Variants in GAREM1 observed in about 807,000 individuals in gnomAD.
GAREM1 encodes the protein GRB2-associated and regulator of MAPK protein 1.
Under a neutral mutation model 71.3 loss-of-function variants are expected in GAREM1, and 26 were observed. The observed-to-expected ratio is 0.36, with a 90% CI of 0.27 to 0.51. GAREM1 has a LOEUF of 0.51. GAREM1 is among the 20% of genes least tolerant of loss of function. The probability of loss-of-function intolerance (pLI) is 0.95; values close to 1 mark genes in which losing one functional copy is unlikely to be tolerated. For missense variants in GAREM1, 1,026 were observed against 1,103.1 expected (o/e 0.93, Z 0.99); for synonymous variants, 440 against 433.2 (o/e 1.02, Z -0.20).
At chr18:32,336,569 C>A (rs971109224) in intron 2 of GAREM1, among the ~76,000 whole-genome samples, 1 of 151,920 alleles carries the variant, frequency 6.6e-6, no homozygotes, top group African/African-American at 2.4e-5. Context: ...TGGATTGAAA[C>A]ATCTCAATTG....
chr18:32,461,288 G>T (rs2048952038), intron 1 of GAREM1, among the ~76,000 whole-genome samples: 1 of 152,184 alleles, frequency 6.6e-6, no homozygotes. Flanking sequence ...CTGAAAAATG[G>T]TAAAAATACT....
chr18:32,466,012 G>C (rs1485787832), intron 1 of GAREM1, among the ~76,000 whole-genome samples: 3 of 152,184 alleles, frequency 2.0e-5, no homozygotes, highest in African/African-American at 7.2e-5. Context: ...CAAAAATATT[G>C]ATTCGTGTTG....
chr18:32,271,613 A>G (rs1202900874), intron 4 of GAREM1, among the ~76,000 whole-genome samples: 1 of 152,172 alleles, frequency 6.6e-6, no homozygotes, highest in Non-Finnish European at 1.5e-5. Flanking sequence ...GGTGATACTG[A>G]TGCTACCTGA....
At chr18:32,449,527 A>T (rs560233047) in intron 1 of GAREM1, among the ~76,000 whole-genome samples, 12 of 151,972 alleles carry the variant, frequency 7.9e-5, no homozygotes, top group African/African-American at 2.7e-4. Context: ...ATATATATTT[A>T]AAAAAAATTA....
At chr18:32,389,716 G>A (rs1008555551) in intron 2 of GAREM1, among the ~76,000 whole-genome samples, 3 of 152,130 alleles carry the variant, frequency 2.0e-5, no homozygotes, top group African/African-American at 7.2e-5. Flanking sequence ...AAGCTAGGGA[G>A]ACATAAATGA....
intron 4 of GAREM1, among the ~76,000 whole-genome samples, chr18:32,279,396 T>C (rs2041584416): frequency 6.6e-6 from 1 of 152,172 alleles, no homozygotes; most frequent in African/African-American, 2.4e-5. Context: ...TCCTGTGAGA[T>C]CAGTGGCAGC....
chr18:32,286,892 A>T, intron 4 of GAREM1, 139 bp downstream of exon 4: 1 of 645,866 alleles, frequency 1.5e-6, no homozygotes, highest in Admixed American at 2.8e-5. Flanking sequence ...TCAAGCTAGC[A>T]TGTGTATCTC....
At chr18:32,274,069 G>C (rs2041504231) in intron 4 of GAREM1, among the ~76,000 whole-genome samples, 1 of 152,146 alleles carries the variant, frequency 6.6e-6, no homozygotes, top group African/African-American at 2.4e-5. Context: ...GCACAGCTGA[G>C]GACTCCACAG....
chr18:32,317,816 T>C (rs941011532), intron 2 of GAREM1, among the ~76,000 whole-genome samples: 7 of 152,094 alleles, frequency 4.6e-5, no homozygotes, highest in Admixed American at 2.0e-4. Flanking sequence ...TCGGAACTTG[T>C]TGGAGTCAAA....
intron 4 of GAREM1, among the ~76,000 whole-genome samples, chr18:32,271,330 T>C (rs1295223301): frequency 6.6e-6 from 1 of 152,092 alleles, no homozygotes; most frequent in Non-Finnish European, 1.5e-5. Flanking sequence ...GCAGCTGGGA[T>C]TACAGGCGCC....
chr18:32,282,425 A>G (rs115485266), intron 4 of GAREM1, among the ~76,000 whole-genome samples: 2,693 of 150,722 alleles, frequency 0.018, 89 homozygotes, highest in African/African-American at 0.061. Context: ...ACTCCGTCTA[A>G]AAAAAAAAGA....
intron 1 of GAREM1, among the ~76,000 whole-genome samples, chr18:32,410,957 C>CA (rs942790458): frequency 1.3e-5 from 2 of 152,114 alleles, no homozygotes; most frequent in Non-Finnish European, 2.9e-5. Context: ...TGAGTGCCAC[C>CA]ACGCCCAGCT....
intron 2 of GAREM1, among the ~76,000 whole-genome samples, chr18:32,353,092 A>T (rs2047767937): frequency 6.6e-6 from 1 of 152,210 alleles, no homozygotes; most frequent in Non-Finnish European, 1.5e-5. Context: ...TAAGTAAGTT[A>T]TGTGATTTTC....
At chr18:32,433,389 C>A (rs1208210448) in intron 1 of GAREM1, among the ~76,000 whole-genome samples, 15 of 151,344 alleles carry the variant, frequency 9.9e-5, no homozygotes, top group African/African-American at 3.6e-4. Flanking sequence ...AAAGGATACC[C>A]ACTCTTACCA....
At chr18:32,329,295 G>C (rs755148631) in intron 2 of GAREM1, among the ~76,000 whole-genome samples, 1 of 151,982 alleles carries the variant, frequency 6.6e-6, no homozygotes, top group Admixed American at 6.5e-5. Flanking sequence ...AAGGTCACTC[G>C]AGCCCAGGAG....
At position 32,268,678 on chromosome 18, in the gene GAREM1, C is replaced by CGTT; in HGVS notation, c.1823_1824insAAC (p.Leu608_Lys609insThr). On this transcript the variant is annotated inframe_insertion, in exon 6 of 6. Coordinates refer to ENST00000269209, the MANE Select transcript of GAREM1 (RefSeq NM_001242409.2). ...CAGAAGGACTTCCAAACGGGGATTT[C>CGTT]AGGTCCACAGAATCAGTTTTCACTC... 4.3e-6 allele frequency: 7 copies of CGTT among 1,614,140 alleles called. No individual in the cohort carries two copies. Among genetic ancestry groups the CGTT allele is most frequent in the Non-Finnish European group, 5.1e-6 (6 of 1,180,014 alleles).
chr18:32,333,893 C>T (rs1462141821), intron 2 of GAREM1, among the ~76,000 whole-genome samples: 1 of 152,158 alleles, frequency 6.6e-6, no homozygotes, highest in Non-Finnish European at 1.5e-5. Flanking sequence ...CAGGTCGCTA[C>T]ACAGGCCGGT....
chr18:32,426,268 C>T (rs549668673), intron 1 of GAREM1, among the ~76,000 whole-genome samples: 18 of 152,322 alleles, frequency 1.2e-4, no homozygotes, highest in Non-Finnish European at 1.9e-4. Flanking sequence ...ATCCACCCGC[C>T]TCAGCCTCCC....
chr18:32,440,225 C>T (rs975142853), intron 1 of GAREM1, among the ~76,000 whole-genome samples: 3 of 152,126 alleles, frequency 2.0e-5, no homozygotes, highest in African/African-American at 7.2e-5. Context: ...AACTATCATC[C>T]TTACTTTTTT....
Sources: allele counts gnomAD v4.1 joint callset (sites outside exome capture counted in the v4.1 genomes callset), GRCh38; gene constraint gnomAD v4.1.1; transcripts MANE v1.5; gene names NCBI Gene and HGNC (gene_info 2026-07-23, HGNC 2026-07-21).